PRKN: variants seen among roughly 807,000 people sequenced by gnomAD.
PRKN encodes the protein parkin RBR E3 ubiquitin protein ligase, also known as E3 ubiquitin-protein ligase parkin.
In PRKN, 56 loss-of-function variants were observed where a neutral mutation model predicts 59.5. The ratio of observed to expected loss-of-function variants is 0.94; its 90% CI spans 0.76 to 1.18. The LOEUF (loss-of-function observed/expected upper bound fraction) is 1.18. Ranked by LOEUF, PRKN falls within the 50% of genes most tolerant of loss-of-function variation. The pLI, the probability that PRKN is intolerant of heterozygous loss-of-function variation, is 0.00. For synonymous variants in PRKN, 250 were observed against 222.1 expected (o/e 1.13, Z -1.12); for missense variants, 657 against 596.4 (o/e 1.10, Z -1.06).
intron 9 of PRKN, among the ~76,000 whole-genome samples, chr6:161,493,719 T>C (rs1367995914): frequency 6.6e-6 from 1 of 152,196 alleles, no homozygotes; most frequent in African/African-American, 2.4e-5. Context: ...ATAGAGCATC[T>C]TAGGGTGAAA....
intron 6 of PRKN, among the ~76,000 whole-genome samples, chr6:161,899,134 G>C (rs1319204666): frequency 6.6e-6 from 1 of 152,244 alleles, no homozygotes; most frequent in Non-Finnish European, 1.5e-5. Flanking sequence ...GGCCCAGACA[G>C]TGACTGTGGA....
Position 162,646,094 on chromosome 6 carries a change from G to A in PRKN, c.7+81568C>T, listed in dbSNP as rs550490335. On this transcript the variant is annotated intron_variant, in intron 1 of 11. Coordinates refer to ENST00000366898, the MANE Select transcript of PRKN (RefSeq NM_004562.3). Reference sequence around the variant, plus strand: ...TCACCGTGTTAGCCAGGATGGTCTCGATCTCCTGACCTCGTAAACCGCCCG... The same window carrying A: ...TCACCGTGTTAGCCAGGATGGTCTCAATCTCCTGACCTCGTAAACCGCCCG... 1.8e-4 allele frequency among the ~76,000 whole-genome samples: 27 copies of A among 151,744 alleles called. No homozygotes were observed. The South Asian group carries it at 4.2e-3, about 23-fold the overall frequency.
In PRKN at chr6:161,488,591, T is replaced by C. The variant is rs1201831451; in HGVS notation, c.1083+60263A>G. On this transcript the variant is annotated intron_variant, in intron 9 of 11. Coordinates refer to ENST00000366898, the MANE Select transcript of PRKN (RefSeq NM_004562.3). The surrounding 1 kb of genome is among the most constrained non-coding windows in gnomAD (Gnocchi z 4.5). ...TGCATGAATTCCTGGGCTCAAGTGA[T>C]CTTCCTGCCTCAGCCTCCTGAGTAG... is the stretch of plus-strand genomic sequence containing the variant. Among the ~76,000 whole-genome samples the C allele has an allele frequency of 6.6e-6, 1 of 152,112 alleles. No individual in the cohort carries two copies. Among genetic ancestry groups the C allele is most frequent in the Non-Finnish European group, 1.5e-5 (1 of 68,012 alleles).
intron 6 of PRKN, among the ~76,000 whole-genome samples, chr6:161,830,739 A>T (rs1290455251): frequency 2.6e-5 from 4 of 152,208 alleles, no homozygotes; most frequent in African/African-American, 9.6e-5. Context: ...TTTAGCTAAC[A>T]AATGCATTAC....
At chr6:161,431,300 T>C (rs1788636937) in intron 9 of PRKN, among the ~76,000 whole-genome samples, 1 of 152,102 alleles carries the variant, frequency 6.6e-6, no homozygotes, top group African/African-American at 2.4e-5. Context: ...TTTCTATAAA[T>C]TAAATAGTCT....
At chr6:162,269,380 G>A (rs1414824565) in intron 2 of PRKN, among the ~76,000 whole-genome samples, 1 of 152,110 alleles carries the variant, frequency 6.6e-6, no homozygotes. Context: ...AAACATTCCA[G>A]ATGGCGTTAG....
Position 161,765,248 on chromosome 6 carries a change from A to C in PRKN, c.871+20524T>G, listed in dbSNP as rs542456096. On this transcript the variant is annotated intron_variant, in intron 7 of 11. Coordinates refer to ENST00000366898, the MANE Select transcript of PRKN (RefSeq NM_004562.3). ...CAGAAGCTACCCGTGCCAGTCCCTT[A>C]TTTAAATGGCAAAGTGGTCTTCCTT... Among the ~76,000 whole-genome samples, 15 of 152,308 alleles carry C rather than the reference A, an allele frequency of 9.8e-5. No homozygotes were observed. In the East Asian group the frequency reaches 2.9e-3, roughly 29 times the overall value.
At chr6:162,296,718 C>T (rs1410803050) in intron 2 of PRKN, among the ~76,000 whole-genome samples, 1 of 151,886 alleles carries the variant, frequency 6.6e-6, no homozygotes. Context: ...AATTAATTTA[C>T]GTATTTAAGA....
chr6:162,091,388 C>A (rs536555346), intron 4 of PRKN, among the ~76,000 whole-genome samples: 57 of 152,232 alleles, frequency 3.7e-4, no homozygotes, highest in African/African-American at 1.4e-3. Context: ...TTTAAAGAGG[C>A]TTTTAAACAC....
chr6:161,470,912 G>C lies in PRKN; in HGVS notation c.1083+77942C>G, dbSNP rs1790762556. Reference sequence around the variant, plus strand: ...AGAGCTAGACAAGAGAAGGGGTCTGGGCTGACTCTCCCAGTTCCACTAAGT... The same window carrying C: ...AGAGCTAGACAAGAGAAGGGGTCTGCGCTGACTCTCCCAGTTCCACTAAGT... On this transcript the variant is annotated intron_variant, in intron 9 of 11. Transcript: ENST00000366898. This position sits in a 1 kb window ranked among gnomAD's most constrained non-coding sequence, Gnocchi z 5.1. Among the ~76,000 whole-genome samples, 1 of 152,166 alleles carries C rather than the reference G, an allele frequency of 6.6e-6. No homozygotes were observed. The highest frequency in any genetic ancestry group is 1.5e-5 in the Non-Finnish European group (1 of 68,026).
In PRKN at chr6:161,716,185, T is replaced by C; in HGVS notation, c.871+69587A>G. On this transcript the variant is annotated intron_variant, in intron 7 of 11. Transcript: ENST00000366898. ...GGTTAATTTGATGCTCACAGCAACC[T>C]TGTATCTGATGCTCTTTTCATATTA... 3.6e-6 allele frequency: 3 copies of C among 822,280 alleles called. No homozygotes were observed. In the South Asian group the frequency reaches 4.1e-5, roughly 11 times the overall value. 50.9% of individuals were successfully genotyped at this position (822,280 alleles called of 1,614,324 possible).
rs17651312 is a variant in PRKN, at chr6:161,548,277, G to A, written c.1083+577C>T. ...CAGCCATAGATTCATTTGAAAAGCCGGCCAGGTCACATGGTTTGACCTCTT... is the reference window on the plus strand; with the variant it reads ...CAGCCATAGATTCATTTGAAAAGCCAGCCAGGTCACATGGTTTGACCTCTT... On this transcript the variant is annotated intron_variant, in intron 9 of 11. Coordinates refer to ENST00000366898, the MANE Select transcript of PRKN (RefSeq NM_004562.3). The surrounding 1 kb of genome is among the most constrained non-coding windows in gnomAD (Gnocchi z 4.2). 0.082 allele frequency among the ~76,000 whole-genome samples: 12,517 copies of A among 152,088 alleles called. 544 individuals carry two copies. The highest frequency in any genetic ancestry group is 0.092 in the Admixed American group (1,410 of 15,280).
At chr6:161,988,746 G>T (rs889427196) in intron 5 of PRKN, among the ~76,000 whole-genome samples, 1 of 151,672 alleles carries the variant, frequency 6.6e-6, no homozygotes, top group Non-Finnish European at 1.5e-5. Flanking sequence ...ACAGAGAAGC[G>T]GAACCCAAAA....
intron 7 of PRKN, among the ~76,000 whole-genome samples, chr6:161,775,963 C>G (rs530180625): frequency 2.0e-5 from 3 of 152,062 alleles, no homozygotes; most frequent in Admixed American, 2.0e-4. Flanking sequence ...TGAAAAGTGA[C>G]CTGGGAGTAC....
chr6:161,431,138 C>CAAAA (rs142701766), intron 9 of PRKN, among the ~76,000 whole-genome samples: 12 of 137,806 alleles, frequency 8.7e-5, no homozygotes, highest in African/African-American at 1.9e-4. Context: ...GACTCTGTCT[C>CAAAA]AAAAAAAAAA....
At chr6:161,869,272 A>C (rs565061045) in intron 6 of PRKN, among the ~76,000 whole-genome samples, 1 of 152,058 alleles carries the variant, frequency 6.6e-6, no homozygotes, top group Non-Finnish European at 1.5e-5. Context: ...CCAGCTACTC[A>C]TGAGTCTGAG....
chr6:162,425,637 T>C (rs983103389), intron 2 of PRKN, among the ~76,000 whole-genome samples: 4 of 152,060 alleles, frequency 2.6e-5, no homozygotes, highest in Admixed American at 6.5e-5. Flanking sequence ...ATGGTACAAC[T>C]ATGAATATAC....
At chr6:161,814,555 T>C (rs1007600575) in intron 6 of PRKN, among the ~76,000 whole-genome samples, 1 of 152,004 alleles carries the variant, frequency 6.6e-6, no homozygotes, top group Non-Finnish European at 1.5e-5. Context: ...CAGGCTGGAG[T>C]GCAATGGCCC....
intron 9 of PRKN, among the ~76,000 whole-genome samples, chr6:161,426,279 A>AT (rs1331016044): frequency 1.3e-5 from 2 of 152,114 alleles, no homozygotes; most frequent in Non-Finnish European, 2.9e-5. Flanking sequence ...TGTCAACTTG[A>AT]TTGGACTGAA....
Sources: allele counts gnomAD v4.1 joint callset (sites outside exome capture counted in the v4.1 genomes callset), GRCh38; gene constraint gnomAD v4.1.1; non-coding constraint Gnocchi (gnomAD v3.1); transcripts MANE v1.5; gene names NCBI Gene and HGNC (gene_info 2026-07-23, HGNC 2026-07-21).